The following PDZD2 variants were observed in gnomAD, a reference collection of about 807,000 sequenced individuals.
The protein encoded by PDZD2 is PDZ domain containing 2.
A neutral mutation model predicts 220.7 loss-of-function variants in PDZD2; 90 were observed. That is an observed-to-expected ratio of 0.41 (90% confidence interval 0.34 to 0.49). The LOEUF is 0.49. PDZD2 is among the 20% of genes least tolerant of loss of function. The pLI, the probability that PDZD2 is intolerant of heterozygous loss-of-function variation, is 0.28. For missense variants in PDZD2, 3,174 were observed against 3,608.5 expected (o/e 0.88, Z 3.08); for synonymous variants, 1,375 against 1,450.5 (o/e 0.95, Z 1.18).
rs750392178 is a variant in PDZD2, at chr5:32,072,335, A to G, written c.2725+18A>G. 5 of 1,599,244 alleles carry G rather than the reference A, an allele frequency of 3.1e-6. No individual in the cohort carries two copies. The highest frequency in any genetic ancestry group is 4.3e-6 in the Non-Finnish European group (5 of 1,171,132). ...CACCTCCAGTAAGCAGGGGTGCCCCAGAGGGCCTGGGCTCTGCATTCCAGT... is the reference window on the plus strand; with the variant it reads ...CACCTCCAGTAAGCAGGGGTGCCCCGGAGGGCCTGGGCTCTGCATTCCAGT... On this transcript the variant is annotated intron_variant, in intron 17 of 24. Transcript: ENST00000438447.
Position 31,868,078 on chromosome 5 carries a change from G to C in PDZD2, c.476+68354G>C, listed in dbSNP as rs191364871. Among the ~76,000 whole-genome samples the C allele has an allele frequency of 1.6e-3, 241 of 152,274 alleles. 1 individual carries two copies. The highest frequency in any genetic ancestry group is 5.3e-3 in the African/African-American group (219 of 41,578). On this transcript the variant is annotated intron_variant, in intron 2 of 24. Transcript: ENST00000438447. ...CCTTGACATACCCTGTGTTGCATAGGTAAGTGGTATGTCACATGGTCACCT... is the reference window on the plus strand; with the variant it reads ...CCTTGACATACCCTGTGTTGCATAGCTAAGTGGTATGTCACATGGTCACCT...
intron 2 of PDZD2, among the ~76,000 whole-genome samples, chr5:31,977,547 G>A (rs1749896632): frequency 6.6e-6 from 1 of 152,132 alleles, no homozygotes; most frequent in Admixed American, 6.6e-5. Flanking sequence ...CACCCTTGGA[G>A]AGCCCAGACT....
chr5:31,895,934 G>A (rs1007006906), intron 2 of PDZD2, among the ~76,000 whole-genome samples: 3 of 152,076 alleles, frequency 2.0e-5, no homozygotes, highest in Admixed American at 1.3e-4. Flanking sequence ...CCAGCGATGT[G>A]CCAGGGCTTT....
At chr5:31,893,262 G>C (rs746606099) in intron 2 of PDZD2, among the ~76,000 whole-genome samples, 17 of 152,050 alleles carry the variant, frequency 1.1e-4, no homozygotes, top group Non-Finnish European at 2.4e-4. Context: ...GCCATTGATT[G>C]TGGTTCGCAT....
chr5:31,959,364 T>C (rs1748012170), intron 2 of PDZD2, among the ~76,000 whole-genome samples: 1 of 149,360 alleles, frequency 6.7e-6, no homozygotes, highest in Admixed American at 6.7e-5. Context: ...TTGTGAAAAG[T>C]TTGTTTGTTT....
intron 1 of PDZD2, among the ~76,000 whole-genome samples, chr5:31,654,349 AG>A (rs1192180293): frequency 2.6e-5 from 4 of 151,854 alleles, no homozygotes; most frequent in African/African-American, 7.3e-5. Context: ...ATTCCTTCCT[AG>A]GTTTCTAGGC....
Position 32,108,221 on chromosome 5 carries a change from C to A in PDZD2, c.*86C>A. 1 of 850,590 alleles carries A rather than the reference C, an allele frequency of 1.2e-6. No individual in the cohort carries two copies. The highest frequency in any genetic ancestry group is 1.8e-5 in the South Asian group (1 of 54,810). The allele number at this position is 850,590 out of a possible 1,614,324, so 52.7% of individuals were successfully genotyped here. Reference sequence around the variant, plus strand: ...TTAAACCACAGGTTGTTGAAATGGCCAACACTGGTACAGACACGGACTATA... The same window carrying A: ...TTAAACCACAGGTTGTTGAAATGGCAAACACTGGTACAGACACGGACTATA... On this transcript the variant is annotated 3_prime_UTR_variant, in exon 25 of 25. Coordinates refer to ENST00000438447, the MANE Select transcript of PDZD2 (RefSeq NM_178140.4).
At chr5:31,821,728 T>C (rs536789250) in intron 2 of PDZD2, among the ~76,000 whole-genome samples, 1 of 152,208 alleles carries the variant, frequency 6.6e-6, no homozygotes, top group South Asian at 2.1e-4. Context: ...GTGCAGAATG[T>C]GTAGATTTGT....
At chr5:31,895,158 G>A (rs560187294) in intron 2 of PDZD2, among the ~76,000 whole-genome samples, 2 of 152,324 alleles carry the variant, frequency 1.3e-5, no homozygotes, top group Admixed American at 1.3e-4. Flanking sequence ...AAAGTGCTAG[G>A]ATTACAGGCG....
intron 1 of PDZD2, among the ~76,000 whole-genome samples, chr5:31,741,384 T>C (rs1750259838): frequency 6.6e-6 from 1 of 151,192 alleles, no homozygotes; most frequent in Non-Finnish European, 1.5e-5. Flanking sequence ...TTAAAAAGGC[T>C]CCTCCCAGAA....
intron 13 of PDZD2, among the ~76,000 whole-genome samples, chr5:32,059,700 A>C (rs1216231282): frequency 1.3e-5 from 2 of 152,332 alleles, no homozygotes; most frequent in East Asian, 1.9e-4. Context: ...TATAAAATTC[A>C]TATGAAATAC....
chr5:31,697,938 C>T (rs1747445269), intron 1 of PDZD2, among the ~76,000 whole-genome samples: 1 of 151,562 alleles, frequency 6.6e-6, no homozygotes. Flanking sequence ...GAGTCTCTCT[C>T]TGTCACCAGG....
chr5:31,718,321 G>T (rs1748571897), intron 1 of PDZD2, among the ~76,000 whole-genome samples: 2 of 152,166 alleles, frequency 1.3e-5, no homozygotes, highest in African/African-American at 4.8e-5. Flanking sequence ...GATGGGCCTG[G>T]GGGAAGAAGG....
In PDZD2 at chr5:31,966,572, G is replaced by A. The variant is rs905918929; in HGVS notation, c.477-16583G>A. Among the ~76,000 whole-genome samples the A allele has an allele frequency of 7.4e-4, 113 of 152,296 alleles. 1 individual carries two copies. Among genetic ancestry groups the A allele is most frequent in the Non-Finnish European group, 1.2e-3 (81 of 68,028 alleles). ...TTTCAGTTGTCAACAGACCCATGAA[G>A]AGTGCACTGATCAGAATCCAAGACT... On this transcript the variant is annotated intron_variant, in intron 2 of 24. Coordinates refer to ENST00000438447, the MANE Select transcript of PDZD2 (RefSeq NM_178140.4).
At chr5:31,735,876 C>CAG (rs1352362974) in intron 1 of PDZD2, among the ~76,000 whole-genome samples, 5 of 152,164 alleles carry the variant, frequency 3.3e-5, no homozygotes, top group Non-Finnish European at 5.9e-5. Context: ...ACCCGGAAGG[C>CAG]AGAGGTTGCA....
At chr5:31,644,336 C>T (rs1016437826) in intron 1 of PDZD2, among the ~76,000 whole-genome samples, 5 of 152,262 alleles carry the variant, frequency 3.3e-5, no homozygotes, top group Admixed American at 3.3e-4. Context: ...GAAAAGAATA[C>T]ATTTCCCATG....
chr5:31,808,514 G>C (rs1754876720), intron 2 of PDZD2, among the ~76,000 whole-genome samples: 1 of 152,150 alleles, frequency 6.6e-6, no homozygotes, highest in African/African-American at 2.4e-5. Flanking sequence ...TTGGTTTCTG[G>C]AAGGTATCCC....
chr5:32,077,865 G>A, intron 19 of PDZD2: 1 of 391,302 alleles, frequency 2.6e-6, no homozygotes, highest in South Asian at 2.1e-5. Flanking sequence ...GCTGAGGCAG[G>A]AGAATCGCTT....
At chr5:31,882,244 A>G (rs1449721850) in intron 2 of PDZD2, among the ~76,000 whole-genome samples, 1 of 152,192 alleles carries the variant, frequency 6.6e-6, no homozygotes, top group Non-Finnish European at 1.5e-5. Context: ...CAGAGGAGGA[A>G]GCTCAGACTT....
Sources: allele counts gnomAD v4.1 joint callset (sites outside exome capture counted in the v4.1 genomes callset), GRCh38; gene constraint gnomAD v4.1.1; transcripts MANE v1.5; gene names NCBI Gene and HGNC (gene_info 2026-07-23, HGNC 2026-07-21).